Variants in SLC41A1 observed in about 807,000 individuals in gnomAD.
SLC41A1 encodes solute carrier family 41 member 1, also known as solute carrier family 41 (magnesium transporter), member 1.
SLC41A1 carries 20 observed loss-of-function variants against 47.3 expected under a neutral mutation model. The observed-to-expected ratio is 0.42, with a 90% CI of 0.30 to 0.61. The LOEUF (loss-of-function observed/expected upper bound fraction) is 0.61. SLC41A1 is among the 20% of genes least tolerant of loss of function. SLC41A1 has a pLI of 0.17. For missense variants in SLC41A1, 504 were observed against 674.1 expected (o/e 0.75, Z 2.79); for synonymous variants, 282 against 272.7 (o/e 1.03, Z -0.34).
chr1:205,812,846 T>C lies in SLC41A1; in HGVS notation c.-685A>G. On this transcript the variant is annotated 5_prime_UTR_variant, in exon 1 of 11. Transcript: ENST00000367137. ...GGGAGGAAGGGGGGCGCCTGGCAAG[T>C]GGCAGCGTGGCCCGTGGTCTCGGGG... 3.0e-6 allele frequency: 3 copies of C among 984,496 alleles called. No homozygotes were observed. The highest frequency in any genetic ancestry group is 3.6e-6 in the Non-Finnish European group (3 of 829,672). 61.0% of individuals were successfully genotyped at this position (984,496 alleles called of 1,614,324 possible).
intron 8 of SLC41A1, chr1:205,796,699 C>T (rs1655757850): frequency 3.3e-6 from 2 of 597,808 alleles, no homozygotes; most frequent in Non-Finnish European, 6.0e-6. Flanking sequence ...GGAGTAGAGG[C>T]TTCCCATTGC....
intron 6 of SLC41A1, among the ~76,000 whole-genome samples, chr1:205,798,284 T>C (rs1044708188): frequency 6.6e-6 from 1 of 152,126 alleles, no homozygotes; most frequent in African/African-American, 2.4e-5. Flanking sequence ...CTGAGCCAAT[T>C]AGGGACAGAG....
At chr1:205,806,953 A>C (rs1656027695) in intron 2 of SLC41A1, among the ~76,000 whole-genome samples, 1 of 152,128 alleles carries the variant, frequency 6.6e-6, no homozygotes, top group Non-Finnish European at 1.5e-5. Flanking sequence ...GGGGCCCTGG[A>C]CCAAGGAGAC....
In SLC41A1 at chr1:205,789,411, AGT is replaced by A. The variant is rs1403379424; in HGVS notation, c.*2120_*2121del. 1 of 152,312 alleles carries A rather than the reference AGT, an allele frequency of 6.6e-6. No homozygotes were observed. Among genetic ancestry groups the A allele is most frequent in the East Asian group, 1.9e-4 (1 of 5,198 alleles). The allele number at this position is 152,312 out of a possible 1,614,324, so 9.4% of individuals were successfully genotyped here. On this transcript the variant is annotated 3_prime_UTR_variant, in exon 11 of 11. Transcript: ENST00000367137. Reference sequence around the variant, plus strand: ...TTTTAGGCAAAGGAGGTCACTCCAGAGTCTTCTGGGACTGCCTGGCCAAATTC... The same window carrying A: ...TTTTAGGCAAAGGAGGTCACTCCAGACTTCTGGGACTGCCTGGCCAAATTC...
At chr1:205,798,913 T>C in intron 5 of SLC41A1, 44 bp downstream of exon 5, 1 of 1,614,146 alleles carries the variant, frequency 6.2e-7, no homozygotes, top group South Asian at 1.1e-5. Flanking sequence ...TGCAGTGTTC[T>C]CTGGGGCGGC....
rs1224741454 is a variant in SLC41A1, at chr1:205,810,187, A to G, written c.255T>C (p.Pro85=). ...ESDDVSTDRG[P]APPSPLKETS... is the part of the protein sequence containing the mutation. ...TCTCCTTGAGCGGGGAAGGTGGCGC[A>G]GGGCCACGGTCTGTGCTGACGTCGT... The change falls in exon 2 of 11, where the codon CCT becomes CCC. Residue 85 remains proline, a synonymous_variant. Coordinates refer to ENST00000367137, the MANE Select transcript of SLC41A1 (RefSeq NM_173854.6). This position sits in a 1 kb window ranked among gnomAD's most constrained non-coding sequence, Gnocchi z 5.5. 7 of 1,614,236 alleles carry G rather than the reference A, an allele frequency of 4.3e-6. No homozygotes were observed. Among genetic ancestry groups the G allele is most frequent in the African/African-American group, 1.3e-5 (1 of 75,048 alleles).
At chr1:205,808,343 C>G (rs184917203) in intron 2 of SLC41A1, among the ~76,000 whole-genome samples, 32 of 152,316 alleles carry the variant, frequency 2.1e-4, no homozygotes, top group African/African-American at 7.0e-4. Flanking sequence ...GTCAGATGAC[C>G]AGGGACAAGT....
At position 205,810,085 on chromosome 1, in the gene SLC41A1, C is replaced by T. The variant is rs1352433371; in HGVS notation, c.357G>A (p.Val119=). The T allele has an allele frequency of 1.9e-6, 3 of 1,614,110 alleles. No homozygotes were observed. Among genetic ancestry groups the T allele is most frequent in the African/African-American group, 2.7e-5 (2 of 74,936 alleles). ...CAGGTCCTACCTGCACGATGTCCAA[C>T]ACCATGCCAGCAGCCACGGTCCCAA... ...AGFGTVAAGM[V]LDIVQHWEVF... is the part of the protein sequence containing the mutation. Residue 119 remains valine, a synonymous_variant, in exon 2 of 11, where the codon GTG becomes GTA. Transcript: ENST00000367137. The surrounding 1 kb of genome is among the most constrained non-coding windows in gnomAD (Gnocchi z 5.5).
intron 6 of SLC41A1, 150 bp from the exon 7 acceptor site, chr1:205,798,201 G>A: frequency 8.0e-7 from 1 of 1,251,432 alleles, no homozygotes; most frequent in Non-Finnish European, 1.1e-6. Flanking sequence ...TTCACTGGCA[G>A]CTCAGGAGGT....
intron 2 of SLC41A1, 27 bp from the exon 3 acceptor site, chr1:205,801,087 A>C (rs767682307): frequency 6.3e-7 from 1 of 1,593,954 alleles, no homozygotes; most frequent in South Asian, 1.1e-5. Context: ...GAACCCAGGA[A>C]TTTCAGTGCC....
In SLC41A1 at chr1:205,795,035, G is replaced by A. The variant is rs1415098204; in HGVS notation, c.1208-17C>T. 1 of 1,613,562 alleles carries A rather than the reference G, an allele frequency of 6.2e-7. No individual in the cohort carries two copies. Among genetic ancestry groups the A allele is most frequent in the Admixed American group, 1.7e-5 (1 of 60,014 alleles). On this transcript the variant is annotated splice_polypyrimidine_tract_variant and intron_variant, in intron 9 of 10. Coordinates refer to ENST00000367137, the MANE Select transcript of SLC41A1 (RefSeq NM_173854.6). Reference sequence around the variant, plus strand: ...AATTCACATCTGGAATTGGGGAAAAGAGGGTGTAAAGAGGAGGGGAGGAGA... The same window carrying A: ...AATTCACATCTGGAATTGGGGAAAAAAGGGTGTAAAGAGGAGGGGAGGAGA...
At chr1:205,807,317 A>G (rs950475815) in intron 2 of SLC41A1, among the ~76,000 whole-genome samples, 2 of 152,128 alleles carry the variant, frequency 1.3e-5, no homozygotes, top group Non-Finnish European at 2.9e-5. Flanking sequence ...GGAGGAGGAC[A>G]TGGACAAACC....
chr1:205,807,815 C>T (rs1656050764), intron 2 of SLC41A1, among the ~76,000 whole-genome samples: 1 of 146,380 alleles, frequency 6.8e-6, no homozygotes, highest in East Asian at 1.9e-4. Context: ...TGCCACCATG[C>T]CTGACTATTT....
chr1:205,795,054 G>A (rs774990871), intron 9 of SLC41A1, 36 bp from the exon 10 acceptor site: 3 of 1,611,014 alleles, frequency 1.9e-6, no homozygotes, highest in Non-Finnish European at 2.5e-6. Context: ...AAGAGGAGGG[G>A]AGGAGAAGAC....
Position 205,790,868 on chromosome 1 carries a change from AG to A in SLC41A1, c.*664del, listed in dbSNP as rs1249020073. 1 of 154,862 alleles carries A rather than the reference AG, an allele frequency of 6.5e-6. No homozygotes were observed. Among genetic ancestry groups the A allele is most frequent in the Non-Finnish European group, 1.4e-5 (1 of 69,804 alleles). 9.6% of individuals were successfully genotyped at this position (154,862 alleles called of 1,614,324 possible). On this transcript the variant is annotated 3_prime_UTR_variant, in exon 11 of 11. Transcript: ENST00000367137. ...CAATCAACTGGAAATGATCAGAGGG[AG>A]GGGTTGTTGATGTTGACCAGGCCAT... is the stretch of plus-strand genomic sequence containing the variant.
At chr1:205,808,205 C>T (rs1172445648) in intron 2 of SLC41A1, among the ~76,000 whole-genome samples, 2 of 152,192 alleles carry the variant, frequency 1.3e-5, no homozygotes, top group Non-Finnish European at 2.9e-5. Flanking sequence ...ATCCGCCCGT[C>T]TTGACCTCCC....
chr1:205,795,266 C>A, intron 9 of SLC41A1, 78 bp downstream of exon 9: 1 of 1,607,462 alleles, frequency 6.2e-7, no homozygotes, highest in Non-Finnish European at 8.5e-7. Flanking sequence ...ATCTGGGGCC[C>A]CAGCTGTCTC....
chr1:205,791,766 G>C lies in SLC41A1; in HGVS notation c.1357-48C>G. The C allele has an allele frequency of 6.2e-7, 1 of 1,601,198 alleles. No individual in the cohort carries two copies. The highest frequency in any genetic ancestry group is 8.5e-7 in the Non-Finnish European group (1 of 1,174,120). ...CCTATAGCCATCCTCTCTCTCCAGG[G>C]GGAGCCAGAGGCCACATGATCAGAC... On this transcript the variant is annotated intron_variant, in intron 10 of 10. Coordinates refer to ENST00000367137, the MANE Select transcript of SLC41A1 (RefSeq NM_173854.6). The surrounding 1 kb of genome is among the most constrained non-coding windows in gnomAD (Gnocchi z 4.0).
Position 205,810,351 on chromosome 1 carries a change from C to T in SLC41A1, c.91G>A (p.Glu31Lys), listed in dbSNP as rs1353943276. 1 of 1,614,194 alleles carries T rather than the reference C, an allele frequency of 6.2e-7. No individual in the cohort carries two copies. Among genetic ancestry groups the T allele is most frequent in the Non-Finnish European group, 8.5e-7 (1 of 1,180,044 alleles). Residue 31 changes from glutamate (E) to lysine (K), a missense_variant, in exon 2 of 11, where the codon GAG becomes AAG. Glu to Lys is a moderately conservative substitution (Grantham distance 56, BLOSUM62 1). This residue lies in a region of SLC41A1 where 83 missense variants were observed against 72.5 expected (regional missense o/e 1.15). Transcript: ENST00000367137. The surrounding 1 kb of genome is among the most constrained non-coding windows in gnomAD (Gnocchi z 5.5). The part of the protein sequence containing the change: ...SPCSSDGPGR[E>K]PLAGTSEFLG... Reference sequence around the variant, plus strand: ...AACTCTGAGGTCCCAGCCAAGGGCTCTCTCCCTGGGCCATCTGAAGAGCAG... The same window carrying T: ...AACTCTGAGGTCCCAGCCAAGGGCTTTCTCCCTGGGCCATCTGAAGAGCAG...
Sources: allele counts gnomAD v4.1 joint callset (sites outside exome capture counted in the v4.1 genomes callset), GRCh38; gene constraint gnomAD v4.1.1; regional missense constraint gnomAD v4.1.1; non-coding constraint Gnocchi (gnomAD v3.1); transcripts MANE v1.5; gene names NCBI Gene and HGNC (gene_info 2026-07-23, HGNC 2026-07-21).